Variants in PIK3C2G observed in about 807,000 individuals in gnomAD.
The protein encoded by PIK3C2G is phosphatidylinositol 3-kinase C2 domain-containing subunit gamma.
In PIK3C2G, 168 loss-of-function variants were observed where a neutral mutation model predicts 181.1. That is an observed-to-expected ratio of 0.93 (90% CI 0.82 to 1.05). The LOEUF is 1.05. Among genes scored for constraint, PIK3C2G ranks in the 50% least tolerant of loss-of-function variants. The pLI is 0.00. For synonymous variants in PIK3C2G, 573 were observed against 592.2 expected, an observed-to-expected ratio of 0.97 and a Z score of 0.47; for missense variants, 1,869 against 1,732.8, an observed-to-expected ratio of 1.08 and a Z score of -1.40.
At chr12:18,488,381 T>C in intron 18 of PIK3C2G, 68 bp from the exon 19 acceptor site, 1 of 1,087,654 alleles carries the variant, frequency 9.2e-7, no homozygotes, top group Non-Finnish European at 1.3e-6. Flanking sequence ...GCACTTACTG[T>C]TCCGGCTGGA....
intron 18 of PIK3C2G, among the ~76,000 whole-genome samples, chr12:18,477,588 A>C (rs1939132262): frequency 6.6e-6 from 1 of 152,168 alleles, no homozygotes; most frequent in Admixed American, 6.5e-5. Context: ...GAGTTTCCAA[A>C]ATGAATGGGA....
intron 16 of PIK3C2G, among the ~76,000 whole-genome samples, chr12:18,415,661 G>C (rs1354697995): frequency 6.6e-6 from 1 of 152,216 alleles, no homozygotes; most frequent in Non-Finnish European, 1.5e-5. Context: ...CTAAAAGCTA[G>C]GCTTCTTGTG....
chr12:18,272,397 C>A (rs1053347391), intron 1 of PIK3C2G, among the ~76,000 whole-genome samples: 1 of 152,094 alleles, frequency 6.6e-6, no homozygotes, highest in African/African-American at 2.4e-5. Context: ...TCAGGAAGCA[C>A]AAAACACCTG....
chr12:18,652,418 A>G (rs1433701229), downstream of PIK3C2G, among the ~76,000 whole-genome samples: 2 of 152,154 alleles, frequency 1.3e-5, no homozygotes, highest in Admixed American at 6.5e-5. Context: ...GCGAACTGCA[A>G]AAGAGGCATG....
intron 4 of PIK3C2G, among the ~76,000 whole-genome samples, chr12:18,292,500 T>G (rs1949758132): frequency 6.6e-6 from 1 of 151,908 alleles, no homozygotes; most frequent in Non-Finnish European, 1.5e-5. Context: ...CAGCTCCCAG[T>G]TCCTAAAAGC....
intron 16 of PIK3C2G, among the ~76,000 whole-genome samples, chr12:18,418,563 T>A (rs1475215284): frequency 6.6e-6 from 1 of 152,146 alleles, no homozygotes; most frequent in Admixed American, 6.6e-5. Context: ...AGGGATTTGA[T>A]AAGGTATTAC....
chr12:18,492,719 C>T (rs1940674924), intron 20 of PIK3C2G, among the ~76,000 whole-genome samples: 1 of 152,052 alleles, frequency 6.6e-6, no homozygotes, highest in South Asian at 2.1e-4. Context: ...GCTTTATTGG[C>T]TGCTTGTTTT....
At chr12:18,559,338 A>G (rs560316907) in intron 26 of PIK3C2G, among the ~76,000 whole-genome samples, 1 of 152,246 alleles carries the variant, frequency 6.6e-6, no homozygotes, top group East Asian at 1.9e-4. Flanking sequence ...ACCATACAAT[A>G]AAAGCAGGTG....
the PIK3C2G span, among the ~76,000 whole-genome samples, chr12:18,718,311 C>T: frequency 2.0e-5 from 3 of 152,112 alleles, no homozygotes; most frequent in Non-Finnish European, 4.4e-5. Context: ...CACCATCTTC[C>T]CAAATCATCT....
chr12:18,619,741 A>T (rs28807754), intron 31 of PIK3C2G, among the ~76,000 whole-genome samples: 16 of 142,988 alleles, frequency 1.1e-4, no homozygotes, highest in Non-Finnish European at 6.1e-5. Flanking sequence ...TATGATTTTA[A>T]TTTTTTTTTT....
In PIK3C2G at chr12:18,341,959, A is replaced by G. The variant is rs144681489; in HGVS notation, c.1396-1368A>G. Among the ~76,000 whole-genome samples, 3 of 152,204 alleles carry G rather than the reference A, an allele frequency of 2.0e-5. No individual in the cohort carries two copies. The East Asian group carries it at 5.8e-4, about 29-fold the overall frequency. ...TATATGACAAACATACTTGTACTCT[A>G]TTTTATTCTCTGACCCAGCACTGGA... On this transcript the variant is annotated intron_variant, in intron 9 of 32. Transcript: ENST00000538779.
At chr12:18,394,274 T>A (rs1050719433) in intron 15 of PIK3C2G, among the ~76,000 whole-genome samples, 1 of 152,096 alleles carries the variant, frequency 6.6e-6, no homozygotes, top group Non-Finnish European at 1.5e-5. Context: ...ATTAGGCTGA[T>A]CTTCCAGTAA....
chr12:18,502,549 G>A (rs1230475230), intron 22 of PIK3C2G, among the ~76,000 whole-genome samples: 4 of 152,074 alleles, frequency 2.6e-5, no homozygotes, highest in Non-Finnish European at 4.4e-5. Context: ...TTTAAGTACT[G>A]GATCTAAATT....
chr12:18,568,396 G>GTGTGTC (rs1327640007), intron 29 of PIK3C2G, among the ~76,000 whole-genome samples: 2 of 151,602 alleles, frequency 1.3e-5, no homozygotes, highest in Admixed American at 6.6e-5. Flanking sequence ...GTGTGTGTGT[G>GTGTGTC]TGTGTGTGTG....
chr12:18,692,763 A>G, the PIK3C2G span: 159 of 1,280,712 alleles, frequency 1.2e-4, no homozygotes, highest in Non-Finnish European at 1.7e-4. Flanking sequence ...CCAAGGCAAG[A>G]TGGGTCAAAG....
chr12:18,451,280 G>C (rs1178583492), intron 18 of PIK3C2G, among the ~76,000 whole-genome samples: 5 of 152,104 alleles, frequency 3.3e-5, no homozygotes, highest in African/African-American at 1.2e-4. Flanking sequence ...TCTCCTTGAA[G>C]AGGTCCTTCA....
At chr12:18,499,184 A>AAGTT (rs1426008041) in intron 22 of PIK3C2G, among the ~76,000 whole-genome samples, 3 of 152,218 alleles carry the variant, frequency 2.0e-5, no homozygotes, top group Non-Finnish European at 4.4e-5. Context: ...CGCAAGACAA[A>AAGTT]AGTTATTTTT....
chr12:18,331,660 C>A (rs990573991), intron 8 of PIK3C2G, among the ~76,000 whole-genome samples: 1 of 151,866 alleles, frequency 6.6e-6, no homozygotes, highest in Non-Finnish European at 1.5e-5. Context: ...TACTTGCCTG[C>A]CTTATAATTT....
intron 18 of PIK3C2G, among the ~76,000 whole-genome samples, chr12:18,464,637 T>C (rs918277650): frequency 1.4e-4 from 21 of 152,126 alleles, no homozygotes; most frequent in African/African-American, 4.3e-4. Context: ...TTATCACTAA[T>C]GTTTACACCC....
Sources: gnomAD v4.1 joint callset for allele counts (sites outside exome capture counted in the v4.1 genomes callset) on GRCh38, gnomAD v4.1.1 for gene constraint, MANE v1.5 for transcripts, NCBI Gene and HGNC (gene_info 2026-07-23, HGNC 2026-07-21) for gene names.